The following CFAP90 variants were observed in gnomAD, a reference collection of about 807,000 sequenced individuals.
CFAP90 encodes cilia and flagella associated protein 90.
At chr5:7,832,155 G>A in the CFAP90 span, 6 of 899,834 alleles carry the variant, frequency 6.7e-6, no homozygotes, top group Admixed American at 2.3e-5. Flanking sequence ...AGACCAAGAG[G>A]GAACCTCCAC....
At chr5:7,835,218 G>A in the CFAP90 span, among the ~76,000 whole-genome samples, 1 of 152,250 alleles carries the variant, frequency 6.6e-6, no homozygotes, top group East Asian at 1.9e-4. Flanking sequence ...TTGGAAAAAT[G>A]GCACCAATAG....
the CFAP90 span, among the ~76,000 whole-genome samples, chr5:7,833,332 A>C: frequency 6.6e-6 from 1 of 151,548 alleles, no homozygotes; most frequent in African/African-American, 2.4e-5. Flanking sequence ...CATACAATAT[A>C]CACACATGTG....
the CFAP90 span, among the ~76,000 whole-genome samples, chr5:7,841,813 C>T: frequency 1.6e-4 from 24 of 152,202 alleles, no homozygotes; most frequent in Non-Finnish European, 3.2e-4. Context: ...GCAACACACA[C>T]TGGGGCCTGT....
chr5:7,850,726 C>G, the CFAP90 span: 3 of 833,122 alleles, frequency 3.6e-6, no homozygotes, highest in Non-Finnish European at 4.7e-6. Context: ...GAGCCCCGCC[C>G]CAAGACCCTT....
chr5:7,847,797 G>T, the CFAP90 span, among the ~76,000 whole-genome samples: 1 of 152,174 alleles, frequency 6.6e-6, no homozygotes, highest in Non-Finnish European at 1.5e-5. Flanking sequence ...ACTGGTAAAT[G>T]CAAGAATGAA....
chr5:7,850,671 C>T, the CFAP90 span, among the ~76,000 whole-genome samples: 1 of 148,826 alleles, frequency 6.7e-6, no homozygotes, highest in South Asian at 2.2e-4. Flanking sequence ...CCCCAGGCCC[C>T]TTTCCCTAAG....
At chr5:7,850,970 T>A in the CFAP90 span, 1 of 1,320,534 alleles carries the variant, frequency 7.6e-7, no homozygotes, top group South Asian at 2.6e-5. Context: ...GGCGGCGGCC[T>A]GGGCTTGCCC....
At chr5:7,848,226 C>G in the CFAP90 span, among the ~76,000 whole-genome samples, 2 of 152,126 alleles carry the variant, frequency 1.3e-5, no homozygotes, top group East Asian at 1.9e-4. Context: ...TGGGAACTTA[C>G]CATTCCCTCG....
chr5:7,835,407 CT>C, the CFAP90 span: 1 of 1,599,758 alleles, frequency 6.3e-7, no homozygotes. Flanking sequence ...AAGTCCCAGG[CT>C]TTTTGCATGT....
the CFAP90 span, among the ~76,000 whole-genome samples, chr5:7,847,464 GTAAAGGGCCAGGTAGTA>G: frequency 1.5e-5 from 1 of 66,980 alleles, no homozygotes; most frequent in Non-Finnish European, 3.4e-5. Context: ...AACTTTTTCT[GTAAAGGGCCAGGTAGTA>G]ACTGTTTTGG....
chr5:7,842,632 A>C, the CFAP90 span, among the ~76,000 whole-genome samples: 1 of 152,186 alleles, frequency 6.6e-6, no homozygotes, highest in East Asian at 1.9e-4. Context: ...GAAACCATGA[A>C]AAAGAAGGCA....
chr5:7,832,351 C>T, the CFAP90 span, among the ~76,000 whole-genome samples: 1 of 152,136 alleles, frequency 6.6e-6, no homozygotes, highest in African/African-American at 2.4e-5. Flanking sequence ...CTTCCCACCA[C>T]CCAGATCCTG....
chr5:7,848,048 G>A, the CFAP90 span, among the ~76,000 whole-genome samples: 10 of 152,050 alleles, frequency 6.6e-5, no homozygotes, highest in African/African-American at 1.9e-4. Context: ...TATCTCATGC[G>A]GTGCATTACT....
At chr5:7,845,352 T>G in the CFAP90 span, among the ~76,000 whole-genome samples, 82 of 152,296 alleles carry the variant, frequency 5.4e-4, no homozygotes, top group African/African-American at 1.8e-3. Flanking sequence ...AAAGGGAAAT[T>G]CAGTGCTCAG....
the CFAP90 span, among the ~76,000 whole-genome samples, chr5:7,848,274 G>A: frequency 6.6e-6 from 1 of 152,042 alleles, no homozygotes; most frequent in Non-Finnish European, 1.5e-5. Context: ...GGATAATCGA[G>A]CCTGGGAGAA....
the CFAP90 span, among the ~76,000 whole-genome samples, chr5:7,845,764 C>A: frequency 6.6e-6 from 1 of 151,952 alleles, no homozygotes; most frequent in African/African-American, 2.4e-5. Flanking sequence ...CTCTAGGGAG[C>A]CGTACAGGAG....
the CFAP90 span, chr5:7,851,072 C>T: frequency 8.1e-7 from 1 of 1,235,238 alleles, no homozygotes. Context: ...CCCGCCCGCC[C>T]AGGGGCCCAG....
the CFAP90 span, among the ~76,000 whole-genome samples, chr5:7,841,480 T>C: frequency 6.6e-6 from 1 of 152,160 alleles, no homozygotes; most frequent in African/African-American, 2.4e-5. Context: ...ACTGAGTATA[T>C]ACCCAAAGGA....
At chr5:7,830,874 A>G in the CFAP90 span, 4 of 152,220 alleles carry the variant, frequency 2.6e-5, no homozygotes, top group Non-Finnish European at 5.9e-5. Context: ...AATTATCTCC[A>G]AAGTAAGTAT....
Sources: allele counts gnomAD v4.1 joint callset (sites outside exome capture counted in the v4.1 genomes callset), GRCh38; gene constraint gnomAD v4.1.1; transcripts MANE v1.5; gene names NCBI Gene and HGNC (gene_info 2026-07-23, HGNC 2026-07-21).